MSANTD4: variants seen among roughly 807,000 people sequenced by gnomAD.
MSANTD4 encodes Myb/SANT DNA binding domain containing 4 with coiled-coils.
In MSANTD4, 13 loss-of-function variants were observed where a neutral mutation model predicts 34.3. The ratio of observed to expected loss-of-function variants is 0.38; its 90% CI spans 0.25 to 0.60. The LOEUF (loss-of-function observed/expected upper bound fraction) is 0.60, where lower values mean the gene tolerates loss of function less well. Among genes scored for constraint, MSANTD4 ranks in the 20% least tolerant of loss-of-function variants. MSANTD4 has a pLI of 0.63. For missense variants in MSANTD4, 358 were observed against 401.8 expected (o/e 0.89, Z 0.93); for synonymous variants, 137 against 145.2 (o/e 0.94, Z 0.41).
In MSANTD4 at chr11:106,010,061, G is replaced by C; in HGVS notation, c.512C>G (p.Ser171Cys). ...EEMLSSVIPDSRRENELPDFP... is the reference protein window; with the variant it reads ...EEMLSSVIPDCRRENELPDFP... ...ATCGGGAAGTTCATTTTCTCTCCTG[G>C]AATCTGGTATGACGGATGACAACAT... Residue 171 changes from serine to cysteine, a missense_variant, in exon 3 of 3, where the codon TCC becomes TGC. Around this residue, in one of 2 missense-constraint regions of MSANTD4, gnomAD observed 312 missense variants for 317.6 expected, o/e 0.98. Transcript: ENST00000301919. The C allele has an allele frequency of 1.3e-6, 2 of 1,597,880 alleles. No homozygotes were observed. The highest frequency in any genetic ancestry group is 1.7e-6 in the Non-Finnish European group (2 of 1,179,190).
chr11:106,009,786 T>C lies in MSANTD4; in HGVS notation c.787A>G (p.Lys263Glu). Residue 263 changes from lysine (K) to glutamate (E), a missense_variant, in exon 3 of 3, where the codon AAG becomes GAG. Lys to Glu is a moderately conservative substitution (Grantham distance 56, BLOSUM62 1). Coordinates refer to ENST00000301919, the MANE Select transcript of MSANTD4 (RefSeq NM_032424.3). ...GAATTGACTATCTGTAACCTCAACTTTTCTCTTTCAATCTGCAGCCGCTCC... is the reference window on the plus strand; with the variant it reads ...GAATTGACTATCTGTAACCTCAACTCTTCTCTTTCAATCTGCAGCCGCTCC... ...EKERLQIERE[K>E]LRLQIVNSEK... The C allele has an allele frequency of 6.2e-7, 1 of 1,614,186 alleles. No homozygotes were observed. Among genetic ancestry groups the C allele is most frequent in the Non-Finnish European group, 8.5e-7 (1 of 1,180,028 alleles).
chr11:106,012,679 A>G (rs1444670362), intron 1 of MSANTD4, among the ~76,000 whole-genome samples: 2 of 152,166 alleles, frequency 1.3e-5, no homozygotes, highest in African/African-American at 4.8e-5. Context: ...TCCTCTCCAG[A>G]CTGGGAACTC....
chr11:106,010,733 TCTC>T lies in MSANTD4; in HGVS notation c.182_184del (p.Gly61del). The T allele has an allele frequency of 6.2e-7, 1 of 1,614,178 alleles. No homozygotes were observed. The highest frequency in any genetic ancestry group is 1.3e-5 in the African/African-American group (1 of 75,034). On this transcript the variant is annotated inframe_deletion, in exon 2 of 3. Coordinates refer to ENST00000301919, the MANE Select transcript of MSANTD4 (RefSeq NM_032424.3). The stretch of plus-strand genomic sequence containing the variant: ...TTTCACCTCTGTCCCTGTCCTCTGT[TCTC>T]CTTCTCCTACAGCATTCACACACTG...
chr11:106,014,439 G>A (rs1859786533), intron 1 of MSANTD4, among the ~76,000 whole-genome samples: 1 of 152,048 alleles, frequency 6.6e-6, no homozygotes, highest in South Asian at 2.1e-4. Flanking sequence ...TTTAACACAT[G>A]GTTTCTTTTC....
chr11:106,009,771 T>C lies in MSANTD4; in HGVS notation c.802A>G (p.Ile268Val). 1 of 1,614,238 alleles carries C rather than the reference T, an allele frequency of 6.2e-7. No individual in the cohort carries two copies. The highest frequency in any genetic ancestry group is 8.5e-7 in the Non-Finnish European group (1 of 1,180,040). Residue 268 changes from isoleucine (I) to valine (V), a missense_variant, in exon 3 of 3, where the codon ATA becomes GTA. This residue lies in a region of MSANTD4 where 312 missense variants were observed against 317.6 expected (regional missense o/e 0.98). Coordinates refer to ENST00000301919, the MANE Select transcript of MSANTD4 (RefSeq NM_032424.3). ...QIEREKLRLQ[I>V]VNSEKPSLEN... ...AAGGACGGTTTCTCTGAATTGACTA[T>C]CTGTAACCTCAACTTTTCTCTTTCA...
Position 106,010,093 on chromosome 11 carries a change from C to T in MSANTD4, c.480G>A (p.Glu160=). Reference sequence around the variant, plus strand: ...GTATGACGGATGACAACATTTCTTCCTCCTCCTCAATTTCAAACTAAGAGC... The same window carrying T: ...GTATGACGGATGACAACATTTCTTCTTCCTCCTCAATTTCAAACTAAGAGC... ...PQSPEFEIEE[E]EEMLSSVIPD... Residue 160 remains glutamate (E), a synonymous_variant, in exon 3 of 3, where the codon GAG becomes GAA. Transcript: ENST00000301919. 6.4e-7 allele frequency: 1 copy of T among 1,566,084 alleles called. No individual in the cohort carries two copies. The highest frequency in any genetic ancestry group is 1.2e-5 in the South Asian group (1 of 85,516).
chr11:106,015,417 C>T (rs1859817952), intron 1 of MSANTD4, among the ~76,000 whole-genome samples: 1 of 152,158 alleles, frequency 6.6e-6, no homozygotes, highest in African/African-American at 2.4e-5. Flanking sequence ...TATGTATTTG[C>T]CACATCAAAG....
At chr11:106,014,291 T>C (rs1859782754) in intron 1 of MSANTD4, among the ~76,000 whole-genome samples, 1 of 152,242 alleles carries the variant, frequency 6.6e-6, no homozygotes, top group Non-Finnish European at 1.5e-5. Flanking sequence ...GTTTTACTTC[T>C]GTTAGACCTA....
In MSANTD4 at chr11:106,009,739, A is replaced by C. The variant is rs1233683278; in HGVS notation, c.834T>G (p.Asn278Lys). 6.2e-7 allele frequency: 1 copy of C among 1,614,120 alleles called. No homozygotes were observed. Among genetic ancestry groups the C allele is most frequent in the Non-Finnish European group, 8.5e-7 (1 of 1,180,026 alleles). Reference sequence around the variant, plus strand: ...TGGATTTTTCTCCTTGACCAAGTTCATTTTCCAAGGACGGTTTCTCTGAAT... The same window carrying C: ...TGGATTTTTCTCCTTGACCAAGTTCCTTTTCCAAGGACGGTTTCTCTGAAT... ...IVNSEKPSLENELGQGEKSML... is the reference protein window; with the variant it reads ...IVNSEKPSLEKELGQGEKSML... The change falls in exon 3 of 3, where the codon AAT (asparagine) becomes AAG (lysine). Residue 278 changes from asparagine to lysine, a missense_variant. Asn to Lys is a moderately conservative substitution (Grantham distance 94). Coordinates refer to ENST00000301919, the MANE Select transcript of MSANTD4 (RefSeq NM_032424.3).
rs1293351779 is a variant in MSANTD4 at position 106,021,286 on chromosome 11, C to A, written c.-475G>T. The A allele has an allele frequency of 6.6e-6, 1 of 152,202 alleles. No homozygotes were observed. The highest frequency in any genetic ancestry group is 1.5e-5 in the Non-Finnish European group (1 of 68,048). 9.4% of individuals were successfully genotyped at this position (152,202 alleles called of 1,614,324 possible). Reference sequence around the variant, plus strand: ...TTCTATGCCCAATCACAGAGAACAGCCATTTTCTAAAATCCCATTTCACAA... The same window carrying A: ...TTCTATGCCCAATCACAGAGAACAGACATTTTCTAAAATCCCATTTCACAA... On this transcript the variant is annotated 5_prime_UTR_variant, in exon 1 of 3. Transcript: ENST00000301919.
intron 1 of MSANTD4, among the ~76,000 whole-genome samples, chr11:106,016,221 T>G (rs377184817): frequency 6.6e-6 from 1 of 152,208 alleles, no homozygotes; most frequent in Non-Finnish European, 1.5e-5. Context: ...CATTCCTATG[T>G]AATTCAAATT....
chr11:106,010,873 T>C lies in MSANTD4; in HGVS notation c.45A>G (p.Gln15=). 3 of 1,608,752 alleles carry C rather than the reference T, an allele frequency of 1.9e-6. No individual in the cohort carries two copies. The highest frequency in any genetic ancestry group is 2.5e-6 in the Non-Finnish European group (3 of 1,177,944). ...KRKRKSNFSV[Q]ETQTLLKEIT... The stretch of plus-strand genomic sequence containing the variant: ...TTTCTTTCAAAAGGGTCTGAGTTTC[T>C]TGAACACTAAAATTGCTTTTCCTTT... The change falls in exon 2 of 3, where the codon CAA becomes CAG. Residue 15 remains glutamine, a synonymous_variant. Transcript: ENST00000301919.
At chr11:106,019,576 T>C (rs1395055485) in intron 1 of MSANTD4, among the ~76,000 whole-genome samples, 2 of 152,176 alleles carry the variant, frequency 1.3e-5, no homozygotes, top group African/African-American at 4.8e-5. Context: ...CAATGCCTAC[T>C]CATCCTTCAG....
At chr11:106,017,025 C>A (rs1859870892) in intron 1 of MSANTD4, among the ~76,000 whole-genome samples, 1 of 152,002 alleles carries the variant, frequency 6.6e-6, no homozygotes, top group Middle Eastern at 3.2e-3. Context: ...GCCTTTTGAG[C>A]CATTTAAAAA....
intron 1 of MSANTD4, among the ~76,000 whole-genome samples, chr11:106,017,637 G>A (rs1370908345): frequency 6.6e-6 from 1 of 151,984 alleles, no homozygotes; most frequent in Non-Finnish European, 1.5e-5. Flanking sequence ...GTTTATAATA[G>A]TATGTAAATA....
intron 1 of MSANTD4, 119 bp from the exon 2 acceptor site, chr11:106,011,186 A>ATTGTGTACTTC: frequency 2.4e-6 from 1 of 421,682 alleles, no homozygotes; most frequent in Non-Finnish European, 4.0e-6. Flanking sequence ...ATAGCTTAAA[A>ATTGTGTACTTC]TTGTGTACTT....
chr11:106,009,800 T>C lies in MSANTD4; in HGVS notation c.773A>G (p.Gln258Arg), dbSNP rs1003015671. Reference sequence around the variant, plus strand: ...TAACCTCAACTTTTCTCTTTCAATCTGCAGCCGCTCCTTCTCTAGCTGAAG... The same window carrying C: ...TAACCTCAACTTTTCTCTTTCAATCCGCAGCCGCTCCTTCTCTAGCTGAAG... The part of the protein sequence containing the change: ...ERLQLEKERL[Q>R]IEREKLRLQI... Residue 258 changes from glutamine to arginine, a missense_variant, in exon 3 of 3, where the codon CAG (glutamine) becomes CGG (arginine). Around this residue, in one of 2 missense-constraint regions of MSANTD4, gnomAD observed 312 missense variants for 317.6 expected, o/e 0.98. Transcript: ENST00000301919. 3 of 1,614,098 alleles carry C rather than the reference T, an allele frequency of 1.9e-6. No homozygotes were observed. The African/African-American group carries it at 4.0e-5, about 22-fold the overall frequency.
At chr11:106,010,433 AG>A (rs1241009410) in intron 2 of MSANTD4, 22 bp downstream of exon 2, 1 of 1,570,326 alleles carries the variant, frequency 6.4e-7, no homozygotes, top group East Asian at 2.2e-5. Context: ...AGATTAAAAG[AG>A]GGTACAGAGG....
chr11:106,018,687 A>C (rs1395861086), intron 1 of MSANTD4, among the ~76,000 whole-genome samples: 1 of 152,236 alleles, frequency 6.6e-6, no homozygotes, highest in Admixed American at 6.5e-5. Flanking sequence ...AAGCTGGTTT[A>C]TTTATGGAAA....
Sources: allele counts gnomAD v4.1 joint callset (sites outside exome capture counted in the v4.1 genomes callset), GRCh38; gene constraint gnomAD v4.1.1; regional missense constraint gnomAD v4.1.1; transcripts MANE v1.5; gene names NCBI Gene and HGNC (gene_info 2026-07-23, HGNC 2026-07-21).